The following MAP4K5 variants were observed in gnomAD, a reference collection of about 807,000 sequenced individuals.
MAP4K5 encodes MAPK/ERK kinase kinase kinase 5.
In MAP4K5, 82 loss-of-function variants were observed where a neutral mutation model predicts 135.6. The ratio of observed to expected loss-of-function variants is 0.60; its 90% CI spans 0.51 to 0.73. The LOEUF (loss-of-function observed/expected upper bound fraction) is 0.73, where lower values mean the gene tolerates loss of function less well. Ranked by LOEUF, MAP4K5 falls within the 30% of genes least tolerant of loss-of-function variation. The pLI is 0.00. For missense variants in MAP4K5, 907 were observed against 1,010.9 expected, an observed-to-expected ratio of 0.90 and a Z score of 1.39; for synonymous variants, 347 against 335.0, an observed-to-expected ratio of 1.04 and a Z score of -0.39.
At chr14:50,467,054 G>T (rs190535408) in intron 10 of MAP4K5, among the ~76,000 whole-genome samples, 1 of 152,096 alleles carries the variant, frequency 6.6e-6, no homozygotes, top group East Asian at 1.9e-4. Context: ...ATTTTGGGTG[G>T]GTGTATAGGC....
At chr14:50,476,077 A>T in intron 8 of MAP4K5, 51 bp downstream of exon 8, 1 of 961,816 alleles carries the variant, frequency 1.0e-6, no homozygotes. Flanking sequence ...AAATTTTATT[A>T]AAATGTCATT....
chr14:50,498,371 A>C (rs1193548058), intron 3 of MAP4K5, among the ~76,000 whole-genome samples: 2 of 152,248 alleles, frequency 1.3e-5, no homozygotes. Flanking sequence ...AAAATGAGAT[A>C]GAAATGGTTA....
intron 2 of MAP4K5, among the ~76,000 whole-genome samples, chr14:50,511,101 T>C (rs2037921718): frequency 6.6e-6 from 1 of 152,192 alleles, no homozygotes; most frequent in South Asian, 2.1e-4. Context: ...GGTAAATCCA[T>C]ACAGTGGAAT....
chr14:50,469,329 T>C (rs1445091459), intron 9 of MAP4K5, among the ~76,000 whole-genome samples: 1 of 152,224 alleles, frequency 6.6e-6, no homozygotes, highest in African/African-American at 2.4e-5. Flanking sequence ...CATAAATTCA[T>C]TTTTATCTTA....
Position 50,531,926 on chromosome 14 carries a change from G to T in MAP4K5, c.108+16C>A, listed in dbSNP as rs374569031. The T allele has an allele frequency of 3.2e-6, 5 of 1,555,014 alleles. No individual in the cohort carries two copies. The highest frequency in any genetic ancestry group is 4.4e-6 in the Non-Finnish European group (5 of 1,139,782). On this transcript the variant is annotated intron_variant, in intron 2 of 32. Transcript: ENST00000682126. ...CCAGTCGACCGCAGGAAAAAAGCACGGCCAGCCTCACTTACCTTATAGACG... is the reference window on the plus strand; with the variant it reads ...CCAGTCGACCGCAGGAAAAAAGCACTGCCAGCCTCACTTACCTTATAGACG...
Position 50,514,034 on chromosome 14 carries a change from T to C in MAP4K5, c.109-9177A>G, listed in dbSNP as rs575180511. Among the ~76,000 whole-genome samples, 10 of 152,324 alleles carry C rather than the reference T, an allele frequency of 6.6e-5. No individual in the cohort carries two copies. In the South Asian group the frequency reaches 1.7e-3, roughly 25 times the overall value. On this transcript the variant is annotated intron_variant, in intron 2 of 32. Coordinates refer to ENST00000682126, the MANE Select transcript of MAP4K5 (RefSeq NM_006575.6). ...TATGTCATAGGCTGTAAAACCTCTA[T>C]ACTCAATACTTTATGGAACATTGCT...
chr14:50,509,304 C>T (rs1330978457), intron 2 of MAP4K5, among the ~76,000 whole-genome samples: 1 of 152,036 alleles, frequency 6.6e-6, no homozygotes, highest in Admixed American at 6.6e-5. Context: ...TATTTCACTG[C>T]CCCTTTTCAG....
intron 2 of MAP4K5, among the ~76,000 whole-genome samples, chr14:50,539,021 T>G (rs2038528684): frequency 6.6e-6 from 1 of 152,202 alleles, no homozygotes; most frequent in African/African-American, 2.4e-5. Context: ...TATATTCTCT[T>G]TCTGTGCTTT....
intron 2 of MAP4K5, among the ~76,000 whole-genome samples, chr14:50,531,467 GT>G (rs2038385941): frequency 6.6e-6 from 1 of 152,146 alleles, no homozygotes; most frequent in African/African-American, 2.4e-5. Flanking sequence ...ACCAATATTA[GT>G]TTGCTTACAG....
In MAP4K5 at chr14:50,508,525, T is replaced by A. The variant is rs141214768; in HGVS notation, c.109-3668A>T. On this transcript the variant is annotated intron_variant, in intron 2 of 32. Coordinates refer to ENST00000682126, the MANE Select transcript of MAP4K5 (RefSeq NM_006575.6). ...GGTGGGAATTGAACAATGAGAACAC[T>A]TGGACACAGGGTGGAGAACATCACA... 6.0e-3 allele frequency among the ~76,000 whole-genome samples: 919 copies of A among 151,970 alleles called. 3 individuals are homozygous for A. Among genetic ancestry groups the A allele is most frequent in the Non-Finnish European group, 8.6e-3 (581 of 67,928 alleles).
intron 23 of MAP4K5, among the ~76,000 whole-genome samples, chr14:50,439,089 A>C (rs2036164452): frequency 6.6e-6 from 1 of 151,944 alleles, no homozygotes; most frequent in Admixed American, 6.6e-5. Flanking sequence ...GCATAATTAA[A>C]ATATATTAAA....
At chr14:50,557,085 C>T (rs964165154) in intron 1 of MAP4K5, among the ~76,000 whole-genome samples, 3 of 152,166 alleles carry the variant, frequency 2.0e-5, no homozygotes, top group South Asian at 2.1e-4. Context: ...AAAGTATCTG[C>T]ACCATTTTAT....
intron 14 of MAP4K5, among the ~76,000 whole-genome samples, chr14:50,452,551 CCATT>C (rs1038504132): frequency 1.3e-5 from 2 of 152,122 alleles, no homozygotes; most frequent in Non-Finnish European, 2.9e-5. Flanking sequence ...ACACAGTTTT[CCATT>C]CAAACAGGTC....
At chr14:50,422,494 A>G (rs1233027665) in intron 32 of MAP4K5, among the ~76,000 whole-genome samples, 1 of 152,082 alleles carries the variant, frequency 6.6e-6, no homozygotes, top group Non-Finnish European at 1.5e-5. Flanking sequence ...TTTAGTAACA[A>G]CTTTTGGTGG....
chr14:50,421,988 T>C (rs1438142577), intron 32 of MAP4K5, among the ~76,000 whole-genome samples: 1 of 151,596 alleles, frequency 6.6e-6, no homozygotes, highest in African/African-American at 2.4e-5. Context: ...GCCTCCTGGG[T>C]TCAAGCAATT....
In MAP4K5 at chr14:50,447,499, T is replaced by C. The variant is rs766853156; in HGVS notation, c.1075-18A>G. The C allele has an allele frequency of 9.2e-6, 13 of 1,418,568 alleles. No individual in the cohort carries two copies. In the East Asian group the frequency reaches 1.0e-4, roughly 11 times the overall value. 87.9% of individuals were successfully genotyped at this position (1,418,568 alleles called of 1,614,324 possible). On this transcript the variant is annotated intron_variant, in intron 15 of 32. Transcript: ENST00000682126. ...GACAATCCCTGTAAAGATAAAAATA[T>C]AGTTTAAAATGTTACTTTGTAACAG...
intron 2 of MAP4K5, among the ~76,000 whole-genome samples, chr14:50,515,826 C>T (rs2038023375): frequency 6.6e-6 from 1 of 152,176 alleles, no homozygotes; most frequent in South Asian, 2.1e-4. Flanking sequence ...TAACATTCAC[C>T]TATGCAGCCA....
chr14:50,476,342 G>A, intron 6 of MAP4K5, 36 bp from the exon 7 acceptor site: 3 of 1,066,346 alleles, frequency 2.8e-6, no homozygotes, highest in South Asian at 2.1e-5. Context: ...GAATGTATCA[G>A]CAAAACTGTA....
At chr14:50,515,302 A>T (rs1447010982) in intron 2 of MAP4K5, among the ~76,000 whole-genome samples, 1 of 152,132 alleles carries the variant, frequency 6.6e-6, no homozygotes, top group Admixed American at 6.5e-5. Flanking sequence ...AATATCCGGA[A>T]CTACTCTGAC....
Sources: gnomAD v4.1 joint callset for allele counts (sites outside exome capture counted in the v4.1 genomes callset) on GRCh38, gnomAD v4.1.1 for gene constraint, MANE v1.5 for transcripts, NCBI Gene and HGNC (gene_info 2026-07-23, HGNC 2026-07-21) for gene names.